MBNL1: variants seen among roughly 807,000 people sequenced by gnomAD.
MBNL1 encodes muscleblind like splicing regulator 1, also known as muscleblind-like protein 1.
MBNL1 carries 8 observed loss-of-function variants against 42.2 expected under a neutral mutation model. That is an observed-to-expected ratio of 0.19 (90% CI 0.11 to 0.34). The LOEUF is 0.34. Among genes scored for constraint, MBNL1 ranks in the 10% least tolerant of loss-of-function variants. The pLI, the probability that MBNL1 is intolerant of heterozygous loss-of-function variation, is 1.00. For synonymous variants in MBNL1, 169 were observed against 173.9 expected (o/e 0.97, Z 0.22); for missense variants, 309 against 495.3 (o/e 0.62, Z 3.57).
At chr3:152,391,811 A>ACT (rs2097727925) in intron 2 of MBNL1, among the ~76,000 whole-genome samples, 1 of 152,200 alleles carries the variant, frequency 6.6e-6, no homozygotes, top group Non-Finnish European at 1.5e-5. Flanking sequence ...AGCACTGAGA[A>ACT]GTACATTCAA....
chr3:152,350,979 C>T (rs1229537752), intron 2 of MBNL1, among the ~76,000 whole-genome samples: 1 of 152,052 alleles, frequency 6.6e-6, no homozygotes, highest in Non-Finnish European at 1.5e-5. Flanking sequence ...GATCATAGTA[C>T]AAGGCTGATG....
intron 2 of MBNL1, among the ~76,000 whole-genome samples, chr3:152,322,474 T>C (rs1483682793): frequency 6.6e-6 from 1 of 152,070 alleles, no homozygotes; most frequent in African/African-American, 2.4e-5. Flanking sequence ...AAATGCAAAC[T>C]AGCCTTGTAT....
At chr3:152,394,325 G>A (rs1383730223) in intron 2 of MBNL1, among the ~76,000 whole-genome samples, 1 of 152,204 alleles carries the variant, frequency 6.6e-6, no homozygotes, top group African/African-American at 2.4e-5. Context: ...TTCACAGACT[G>A]TTTGCTTAAT....
At position 152,427,543 on chromosome 3, in the gene MBNL1, T is replaced by A. The variant is rs116981538; in HGVS notation, c.346-5174T>A. Among the ~76,000 whole-genome samples the A allele has an allele frequency of 9.9e-5, 15 of 152,238 alleles. No homozygotes were observed. The East Asian group carries it at 2.5e-3, about 26-fold the overall frequency. Reference sequence around the variant, plus strand: ...TGCTGGGATCATAGGCCAGACCCACTGTGCCTGGCCCTGCTTTCTTAGAAA... The same window carrying A: ...TGCTGGGATCATAGGCCAGACCCACAGTGCCTGGCCCTGCTTTCTTAGAAA... On this transcript the variant is annotated intron_variant, in intron 3 of 9. Coordinates refer to ENST00000324210, the MANE Select transcript of MBNL1 (RefSeq NM_021038.5).
chr3:152,313,055 C>T (rs1386149941), intron 2 of MBNL1, among the ~76,000 whole-genome samples: 1 of 151,542 alleles, frequency 6.6e-6, no homozygotes, highest in Non-Finnish European at 1.5e-5. Flanking sequence ...CGGAGTCTCG[C>T]CCTTTCACCC....
chr3:152,333,458 C>T (rs2086852021), intron 2 of MBNL1, among the ~76,000 whole-genome samples: 1 of 152,166 alleles, frequency 6.6e-6, no homozygotes, highest in Admixed American at 6.5e-5. Context: ...ACGACATTTC[C>T]TACTCTTGTT....
At position 152,270,846 on chromosome 3, in the gene MBNL1, C is replaced by G. The variant is rs368615105; in HGVS notation, c.-790+1754C>G. Among the ~76,000 whole-genome samples, 92 of 152,164 alleles carry G rather than the reference C, an allele frequency of 6.0e-4. No individual in the cohort carries two copies. The South Asian group carries it at 0.019, about 31-fold the overall frequency. ...GTCTTCTTTGAAAATGTAGGCATAG[C>G]TTTTTTAGTCTTATTTGTTTAATGG... On this transcript the variant is annotated intron_variant, in intron 1 of 9. Coordinates refer to ENST00000324210, the MANE Select transcript of MBNL1 (RefSeq NM_021038.5).
chr3:152,260,361 G>A (rs897581403), intron 2 of MBNL1, among the ~76,000 whole-genome samples: 1 of 152,222 alleles, frequency 6.6e-6, no homozygotes, highest in Non-Finnish European at 1.5e-5. Flanking sequence ...CTGGACTGAC[G>A]GCACATTCAC....
chr3:152,319,614 G>GCTTT (rs1184071631), intron 2 of MBNL1, among the ~76,000 whole-genome samples: 47 of 80,532 alleles, frequency 5.8e-4, no homozygotes, highest in Non-Finnish European at 9.2e-4. Context: ...GTTCTATACT[G>GCTTT]TTTTTTTTTT....
At chr3:152,394,984 G>A (rs909847982) in intron 2 of MBNL1, among the ~76,000 whole-genome samples, 24 of 151,918 alleles carry the variant, frequency 1.6e-4, no homozygotes, top group African/African-American at 5.8e-4. Context: ...TCAGCCTCCC[G>A]AGTAGCTGGG....
intron 3 of MBNL1, among the ~76,000 whole-genome samples, chr3:152,415,743 A>G (rs2098689401): frequency 6.6e-6 from 1 of 152,224 alleles, no homozygotes; most frequent in Non-Finnish European, 1.5e-5. Context: ...CTGGGTGGTC[A>G]TAGATATTTA....
chr3:152,273,755 T>C (rs1302358970), intron 1 of MBNL1, among the ~76,000 whole-genome samples: 2 of 152,116 alleles, frequency 1.3e-5, no homozygotes, highest in African/African-American at 2.4e-5. Flanking sequence ...GCTCATATGC[T>C]CCAAAAGAAA....
At chr3:152,396,698 C>G (rs1345641752) in intron 2 of MBNL1, among the ~76,000 whole-genome samples, 1 of 152,042 alleles carries the variant, frequency 6.6e-6, no homozygotes, top group Non-Finnish European at 1.5e-5. Context: ...CTACCTTGAC[C>G]CTATTCCACC....
intron 2 of MBNL1, among the ~76,000 whole-genome samples, chr3:152,320,712 T>G (rs1488798056): frequency 1.3e-5 from 2 of 150,432 alleles, no homozygotes; most frequent in African/African-American, 2.4e-5. Flanking sequence ...CTTTTTTGAC[T>G]CTACCGAGAA....
At chr3:152,258,744 G>A (rs2035812136) in intron 2 of MBNL1, among the ~76,000 whole-genome samples, 1 of 152,126 alleles carries the variant, frequency 6.6e-6, no homozygotes, top group African/African-American at 2.4e-5. Context: ...TTACTTCATC[G>A]GCTGCTTCTT....
chr3:152,340,900 T>C, intron 2 of MBNL1: 2 of 1,606,832 alleles, frequency 1.2e-6, no homozygotes, highest in Non-Finnish European at 1.7e-6. Flanking sequence ...AGGGTCCATC[T>C]GCATTGTTCT....
At chr3:152,343,483 A>G (rs937728651) in intron 2 of MBNL1, among the ~76,000 whole-genome samples, 5 of 152,150 alleles carry the variant, frequency 3.3e-5, no homozygotes, top group Non-Finnish European at 7.3e-5. Context: ...GCAACTTTAG[A>G]ACAGTGTCTG....
chr3:152,445,231 G>A (rs1560624091), intron 4 of MBNL1, 51 bp from the exon 5 acceptor site: 1 of 1,518,352 alleles, frequency 6.6e-7, no homozygotes, highest in East Asian at 2.3e-5. Context: ...TCTTCAGAAA[G>A]CTTCTTCTTC....
At chr3:152,394,429 T>C (rs1342204654) in intron 2 of MBNL1, among the ~76,000 whole-genome samples, 1 of 152,258 alleles carries the variant, frequency 6.6e-6, no homozygotes, top group Non-Finnish European at 1.5e-5. Context: ...ATACGGTACA[T>C]ATGCCTCATG....
Sources: allele counts gnomAD v4.1 joint callset (sites outside exome capture counted in the v4.1 genomes callset), GRCh38; gene constraint gnomAD v4.1.1; transcripts MANE v1.5; gene names NCBI Gene and HGNC (gene_info 2026-07-23, HGNC 2026-07-21).